The following GFRA1 variants were observed in gnomAD, a reference collection of about 807,000 sequenced individuals.
GFRA1 encodes GDNF family receptor alpha 1.
A neutral mutation model predicts 51.6 loss-of-function variants in GFRA1; 16 were observed. That is an observed-to-expected ratio of 0.31 (90% CI 0.21 to 0.47). The LOEUF is 0.47. Among genes scored for constraint, GFRA1 ranks in the 20% least tolerant of loss-of-function variants. The pLI, the probability that GFRA1 is intolerant of heterozygous loss-of-function variation, is 1.00. For missense variants in GFRA1, 530 were observed against 594.3 expected (o/e 0.89, Z 1.13); for synonymous variants, 270 against 241.3 (o/e 1.12, Z -1.10).
Position 116,272,019 on chromosome 10 carries a change from G to C in GFRA1, c.11C>G (p.Ala4Gly), listed in dbSNP as rs1843989802. ...GAGCGGCAGCGCGAAGTACAGGGTC[G>C]CCAGGAACATGGTGCCGGCGCGGGG... is the stretch of plus-strand genomic sequence containing the variant. MFL[A>G]TLYFALPLLD... Residue 4 changes from alanine (A) to glycine (G), a missense_variant, in exon 2 of 11, where the codon GCG becomes GGG. By Grantham distance (60) the Ala-to-Gly change is moderately conservative. Coordinates refer to ENST00000355422, the MANE Select transcript of GFRA1 (RefSeq NM_005264.8). The surrounding 1 kb of genome is among the most constrained non-coding windows in gnomAD (Gnocchi z 4.4). The C allele has an allele frequency of 6.4e-7, 1 of 1,557,802 alleles. No homozygotes were observed. The highest frequency in any genetic ancestry group is 1.4e-5 in the African/African-American group (1 of 73,356).
chr10:116,211,168 C>T (rs1273166001), intron 5 of GFRA1, among the ~76,000 whole-genome samples: 3 of 152,188 alleles, frequency 2.0e-5, no homozygotes, highest in African/African-American at 7.2e-5. Flanking sequence ...AGTGACCAGC[C>T]AGCCATGGCC....
intron 9 of GFRA1, among the ~76,000 whole-genome samples, chr10:116,075,968 T>G (rs1375778840): frequency 6.6e-6 from 1 of 151,838 alleles, no homozygotes; most frequent in Non-Finnish European, 1.5e-5. Flanking sequence ...ATGGTCTCGA[T>G]CTCCTGAACT....
intron 9 of GFRA1, among the ~76,000 whole-genome samples, chr10:116,071,918 C>T (rs527433274): frequency 6.6e-6 from 1 of 152,092 alleles, no homozygotes; most frequent in African/African-American, 2.4e-5. Context: ...ATAAGCCACG[C>T]CTATAATTCC....
Position 116,082,220 on chromosome 10 carries a change from GCAGCTCCAAGTCA to G in GFRA1, c.1197+7508_1197+7520del, listed in dbSNP as rs368595886. ...GCTGGACCAAGATCTGACCAGAGTG[GCAGCTCCAAGTCA>G]CAGCTCCAAGAGGCAGGTAAGTCAG... is the stretch of plus-strand genomic sequence containing the variant. On this transcript the variant is annotated intron_variant, in intron 9 of 10. Transcript: ENST00000355422. Among the ~76,000 whole-genome samples the G allele has an allele frequency of 4.0e-3, 605 of 152,300 alleles. 4 individuals are homozygous for G. Among genetic ancestry groups the G allele is most frequent in the African/African-American group, 0.014 (582 of 41,568 alleles).
At chr10:116,209,780 T>G (rs76960285) in intron 5 of GFRA1, among the ~76,000 whole-genome samples, 2,341 of 152,006 alleles carry the variant, frequency 0.015, 57 homozygotes, top group African/African-American at 0.053. Flanking sequence ...GGAGCAATAT[T>G]TTCATAAGCA....
chr10:116,116,426 C>A (rs1957415384), intron 6 of GFRA1, among the ~76,000 whole-genome samples: 1 of 152,252 alleles, frequency 6.6e-6, no homozygotes, highest in South Asian at 2.1e-4. Flanking sequence ...CTCTGTGAGA[C>A]ACAGCCAGAT....
intron 6 of GFRA1, among the ~76,000 whole-genome samples, chr10:116,100,218 A>C (rs758699321): frequency 6.6e-6 from 1 of 152,216 alleles, no homozygotes; most frequent in African/African-American, 2.4e-5. Context: ...CATAACAACT[A>C]CGAAGTATTT....
intron 5 of GFRA1, among the ~76,000 whole-genome samples, chr10:116,160,332 A>G (rs976007133): frequency 1.3e-5 from 2 of 152,230 alleles, no homozygotes; most frequent in African/African-American, 4.8e-5. Flanking sequence ...TCTTATAACT[A>G]TTTTACATTC....
chr10:116,127,388 T>C (rs1589809941), intron 5 of GFRA1, among the ~76,000 whole-genome samples: 1 of 152,206 alleles, frequency 6.6e-6, no homozygotes, highest in Non-Finnish European at 1.5e-5. Context: ...AGAAAACCCA[T>C]ATGTAAATAT....
rs1260889797 is a variant in GFRA1 at position 116,093,711 on chromosome 10, T to C, written c.1006A>G (p.Thr336Ala). 3.7e-6 allele frequency: 6 copies of C among 1,613,808 alleles called. No individual in the cohort carries two copies. The highest frequency in any genetic ancestry group is 1.3e-5 in the African/African-American group (1 of 74,916). Reference sequence around the variant, plus strand: ...TTTTTTACAAACTCACTAAGACATGTATTGTCCTTGAAGAAATTCAAAAAT... The same window carrying C: ...TTTTTTACAAACTCACTAAGACATGCATTGTCCTTGAAGAAATTCAAAAAT... ...LKFLNFFKDN[T>A]CLKNAIQAFG... The change falls in exon 8 of 11, where the codon ACA becomes GCA. Residue 336 changes from threonine (T) to alanine (A), a missense_variant. Physicochemically the swap from Thr to Ala is moderately conservative, Grantham distance 58. Transcript: ENST00000355422.
At chr10:116,089,298 T>A (rs933150963) in intron 9 of GFRA1, among the ~76,000 whole-genome samples, 2 of 152,206 alleles carry the variant, frequency 1.3e-5, no homozygotes, top group Admixed American at 1.3e-4. Context: ...CTGTCTCTGG[T>A]TTACCTTTAG....
At chr10:116,148,680 A>G (rs1958938041) in intron 5 of GFRA1, among the ~76,000 whole-genome samples, 1 of 152,228 alleles carries the variant, frequency 6.6e-6, no homozygotes, top group Non-Finnish European at 1.5e-5. Context: ...TAGGGGGTAC[A>G]TATGGACAGC....
intron 5 of GFRA1, among the ~76,000 whole-genome samples, chr10:116,155,626 G>C (rs1322151290): frequency 1.3e-5 from 2 of 151,994 alleles, no homozygotes; most frequent in Non-Finnish European, 2.9e-5. Flanking sequence ...AGCATGGTCA[G>C]GTTCAGCAAA....
chr10:116,064,819 ATCT>A (rs1194318879), intron 10 of GFRA1, among the ~76,000 whole-genome samples: 10 of 152,282 alleles, frequency 6.6e-5, no homozygotes, highest in African/African-American at 2.2e-4. Context: ...GGGGGAAGAT[ATCT>A]GAGTTCAGGT....
chr10:116,086,800 C>T (rs1182897279), intron 9 of GFRA1, among the ~76,000 whole-genome samples: 4 of 152,120 alleles, frequency 2.6e-5, no homozygotes, highest in African/African-American at 4.8e-5. Flanking sequence ...CAGAGATAAA[C>T]GTCATGCTTT....
intron 6 of GFRA1, among the ~76,000 whole-genome samples, chr10:116,105,344 G>A (rs1956967006): frequency 6.6e-6 from 1 of 152,158 alleles, no homozygotes; most frequent in Non-Finnish European, 1.5e-5. Context: ...TCTTTCACCA[G>A]CAGAACCACA....
intron 5 of GFRA1, among the ~76,000 whole-genome samples, chr10:116,195,208 G>T (rs868245803): frequency 6.6e-6 from 1 of 152,126 alleles, no homozygotes; most frequent in Non-Finnish European, 1.5e-5. Flanking sequence ...CCTTCACAAA[G>T]AACTCCCTTT....
intron 4 of GFRA1, among the ~76,000 whole-genome samples, chr10:116,261,006 G>T (rs930768213): frequency 9.2e-5 from 14 of 152,296 alleles, no homozygotes; most frequent in African/African-American, 4.8e-5. Flanking sequence ...TAACATTCCA[G>T]CCACTAGTTC....
chr10:116,064,652 A>G (rs891132288), intron 10 of GFRA1, 108 bp from the exon 11 acceptor site: 5 of 967,380 alleles, frequency 5.2e-6, no homozygotes, highest in Non-Finnish European at 8.3e-6. Flanking sequence ...CCCACTCACC[A>G]AAGCTGACCA....
Sources: allele counts gnomAD v4.1 joint callset (sites outside exome capture counted in the v4.1 genomes callset), GRCh38; gene constraint gnomAD v4.1.1; non-coding constraint Gnocchi (gnomAD v3.1); transcripts MANE v1.5; gene names NCBI Gene and HGNC (gene_info 2026-07-23, HGNC 2026-07-21).